Variants in PRXL2C observed in about 807,000 individuals in gnomAD.
The protein encoded by PRXL2C is peroxiredoxin like 2C.
In PRXL2C, 38 loss-of-function variants were observed where a neutral mutation model predicts 24.9. That is an observed-to-expected ratio of 1.53 (90% CI 1.18 to 2.00). PRXL2C has a LOEUF of 2.00. Ranked by LOEUF, PRXL2C falls within the 30% of genes most tolerant of loss-of-function variation. The probability of loss-of-function intolerance (pLI) is 0.00; values close to 1 mark genes in which losing one functional copy is unlikely to be tolerated. For missense variants in PRXL2C, 294 were observed against 290.9 expected (o/e 1.01, Z -0.08); for synonymous variants, 98 against 117.2 (o/e 0.84, Z 1.06).
rs150120218 is a variant in PRXL2C at position 96,645,974 on chromosome 9, G to A, written c.472C>T (p.Leu158=). 36 of 1,613,628 alleles carry A rather than the reference G, an allele frequency of 2.2e-5. 1 individual carries two copies. In the Middle Eastern group the frequency reaches 1.2e-3, roughly 52 times the overall value. ...AGAGGGCCAGTCACTGCCCGCCACA[G>A]GCTCTGAAGGCTTCCTGAGAGTAGA... The part of the protein sequence containing the change: ...SNLLSGSLQS[L]WRAVTGPLFD... The change falls in exon 5 of 6, where the codon CTG becomes TTG. Residue 158 remains leucine, a synonymous_variant. Coordinates refer to ENST00000375234, the MANE Select transcript of PRXL2C (RefSeq NM_153698.2).
chr9:96,645,660 C>G (rs961912716), intron 5 of PRXL2C, among the ~76,000 whole-genome samples: 2 of 151,626 alleles, frequency 1.3e-5, no homozygotes, highest in Admixed American at 6.6e-5. Flanking sequence ...AGCCGGGCGT[C>G]GTGGCGGGCA....
At chr9:96,652,042 A>C (rs1039812940) in intron 2 of PRXL2C, among the ~76,000 whole-genome samples, 1 of 152,216 alleles carries the variant, frequency 6.6e-6, no homozygotes, top group African/African-American at 2.4e-5. Context: ...CAACAAAAGC[A>C]AAAATAGACA....
At chr9:96,648,448 A>T (rs1490806373) in intron 4 of PRXL2C, among the ~76,000 whole-genome samples, 1 of 151,926 alleles carries the variant, frequency 6.6e-6, no homozygotes, top group Non-Finnish European at 1.5e-5. Flanking sequence ...AGGCACCATT[A>T]ATTTTAAATT....
At position 96,651,695 on chromosome 9, in the gene PRXL2C, A is replaced by G. The variant is rs1848267564; in HGVS notation, c.279T>C (p.Leu93=). The G allele has an allele frequency of 6.2e-7, 1 of 1,610,320 alleles. No homozygotes were observed. Among genetic ancestry groups the G allele is most frequent in the Non-Finnish European group, 8.5e-7 (1 of 1,177,840 alleles). The change falls in exon 3 of 6, where the codon CTT becomes CTC. Residue 93 remains leucine, a synonymous_variant. Transcript: ENST00000375234. ...GGTAGGATGACTGTCCAATCACTAT[A>G]AGGGTGACATTTGCTTCCTTAGGAG... ...RSFLQEANVT[L]IVIGQSSYHH...
At chr9:96,651,754 A>G (rs1848269389) in intron 2 of PRXL2C, 42 bp from the exon 3 acceptor site, 1 of 1,522,858 alleles carries the variant, frequency 6.6e-7, no homozygotes, top group East Asian at 2.3e-5. Flanking sequence ...ATTAGAAATT[A>G]TGCATGTTTT....
chr9:96,653,225 TC>T (rs1429029033), intron 2 of PRXL2C, among the ~76,000 whole-genome samples: 35 of 137,736 alleles, frequency 2.5e-4, no homozygotes, highest in African/African-American at 1.1e-3. Flanking sequence ...AGACTCCATC[TC>T]AAAAAAAAAA....
chr9:96,653,674 T>A (rs1848306639), intron 2 of PRXL2C, among the ~76,000 whole-genome samples: 1 of 152,118 alleles, frequency 6.6e-6, no homozygotes, highest in Non-Finnish European at 1.5e-5. Flanking sequence ...CCTATGAAAA[T>A]ATTACACTGT....
At position 96,655,165 on chromosome 9, in the gene PRXL2C, C is replaced by T; in HGVS notation, c.117G>A (p.Val39=). Residue 39 remains valine, a synonymous_variant, in exon 1 of 6, where the codon GTG becomes GTA. Transcript: ENST00000375234. ...GTACCCGCTGCCCGCGGGCGTCCAG[C>T]ACCGGCAGCTCGGCCACGGCGGCCG... ...PLAAAVAELP[V]LDARGQRVPF... is the part of the protein sequence containing the mutation. The T allele has an allele frequency of 8.0e-7, 1 of 1,243,840 alleles. No individual in the cohort carries two copies. The highest frequency in any genetic ancestry group is 1.0e-6 in the Non-Finnish European group (1 of 996,738). 77.1% of individuals were successfully genotyped at this position (1,243,840 alleles called of 1,614,324 possible).
chr9:96,646,379 GA>G (rs1472625444), intron 4 of PRXL2C, among the ~76,000 whole-genome samples: 1 of 152,180 alleles, frequency 6.6e-6, no homozygotes, highest in Non-Finnish European at 1.5e-5. Flanking sequence ...TTCTGCCACA[GA>G]AAAATGTCAA....
intron 2 of PRXL2C, among the ~76,000 whole-genome samples, chr9:96,652,133 G>T (rs1848276552): frequency 6.6e-6 from 1 of 152,216 alleles, no homozygotes; most frequent in Admixed American, 6.5e-5. Flanking sequence ...CAGATTGAGA[G>T]AAAATATCTG....
In PRXL2C at chr9:96,641,625, C is replaced by A. The variant is rs1164790870; in HGVS notation, c.*134G>T. On this transcript the variant is annotated 3_prime_UTR_variant, in exon 6 of 6. Transcript: ENST00000375234. ...AGCATGCAATTCAACAGGTTCAAGC[C>A]CCCTTTATGCTTCCCTAACTCCTCA... is the stretch of plus-strand genomic sequence containing the variant. 1.7e-5 allele frequency: 14 copies of A among 830,986 alleles called. No individual in the cohort carries two copies. In the East Asian group the frequency reaches 4.3e-4, roughly 25 times the overall value. The allele number at this position is 830,986 out of a possible 1,614,324, so 51.5% of individuals were successfully genotyped here.
Position 96,655,169 on chromosome 9 carries a change from G to T in PRXL2C, c.113C>A (p.Pro38Gln). The change falls in exon 1 of 6, where the codon CCG (proline) becomes CAG (glutamine). Residue 38 changes from proline (P) to glutamine (Q), a missense_variant. Transcript: ENST00000375234. ...QPLAAAVAEL[P>Q]VLDARGQRVP... Reference sequence around the variant, plus strand: ...CCGCTGCCCGCGGGCGTCCAGCACCGGCAGCTCGGCCACGGCGGCCGCCAG... The same window carrying T: ...CCGCTGCCCGCGGGCGTCCAGCACCTGCAGCTCGGCCACGGCGGCCGCCAG... 1 of 1,236,284 alleles carries T rather than the reference G, an allele frequency of 8.1e-7. No homozygotes were observed. The allele number at this position is 1,236,284 out of a possible 1,614,324, so 76.6% of individuals were successfully genotyped here. A position where few individuals can be genotyped will look rare whatever the true frequency, so the allele number is the denominator to read the frequency against.
chr9:96,654,664 T>C (rs1848323860), intron 2 of PRXL2C, 41 bp downstream of exon 2: 13 of 1,539,326 alleles, frequency 8.4e-6, no homozygotes, highest in Non-Finnish European at 8.8e-6. Flanking sequence ...TCGCAAGGTC[T>C]GCAGAAGCGG....
At chr9:96,642,711 A>G (rs1001269637) in intron 5 of PRXL2C, among the ~76,000 whole-genome samples, 1 of 151,974 alleles carries the variant, frequency 6.6e-6, no homozygotes, top group Non-Finnish European at 1.5e-5. Flanking sequence ...ACGCCCAGCT[A>G]ATTTTTGTAT....
At chr9:96,652,127 T>C (rs1386309806) in intron 2 of PRXL2C, among the ~76,000 whole-genome samples, 1 of 152,108 alleles carries the variant, frequency 6.6e-6, no homozygotes, top group Admixed American at 6.6e-5. Flanking sequence ...AACTCACAGA[T>C]TGAGAGAAAA....
At chr9:96,644,281 C>T (rs904938082) in intron 5 of PRXL2C, among the ~76,000 whole-genome samples, 6 of 152,186 alleles carry the variant, frequency 3.9e-5, no homozygotes, top group African/African-American at 1.4e-4. Flanking sequence ...TGGGCCCTGT[C>T]TGATAAGGGT....
At chr9:96,642,343 A>G (rs1848128588) in intron 5 of PRXL2C, among the ~76,000 whole-genome samples, 1 of 152,210 alleles carries the variant, frequency 6.6e-6, no homozygotes, top group Non-Finnish European at 1.5e-5. Context: ...TATTATAACC[A>G]TAGCCCAAAA....
chr9:96,652,201 T>G (rs1420683853), intron 2 of PRXL2C, among the ~76,000 whole-genome samples: 1 of 152,246 alleles, frequency 6.6e-6, no homozygotes, highest in East Asian at 1.9e-4. Flanking sequence ...TTCAAACAAC[T>G]TTGCAAGAAA....
intron 2 of PRXL2C, among the ~76,000 whole-genome samples, chr9:96,653,284 G>C (rs1293058511): frequency 1.3e-5 from 2 of 151,326 alleles, no homozygotes; most frequent in African/African-American, 4.9e-5. Context: ...AAAAAAGAAA[G>C]ACATTTTTCT....
Sources: allele counts gnomAD v4.1 joint callset (sites outside exome capture counted in the v4.1 genomes callset), GRCh38; gene constraint gnomAD v4.1.1; transcripts MANE v1.5; gene names NCBI Gene and HGNC (gene_info 2026-07-23, HGNC 2026-07-21).